SMYD2: variants seen among roughly 807,000 people sequenced by gnomAD.
SMYD2 encodes the protein N-lysine methyltransferase SMYD2.
Under a neutral mutation model 59.1 loss-of-function variants are expected in SMYD2, and 53 were observed. That is an observed-to-expected ratio of 0.90 (90% CI 0.72 to 1.13). SMYD2 has a LOEUF of 1.13. SMYD2 is among the 50% of genes most tolerant of loss of function. The pLI is 0.00. For synonymous variants in SMYD2, 208 were observed against 198.8 expected (o/e 1.05, Z -0.39); for missense variants, 494 against 544.7 (o/e 0.91, Z 0.93).
At chr1:214,330,457 G>A (rs981380512) in intron 8 of SMYD2, among the ~76,000 whole-genome samples, 179 bp downstream of exon 8, 1 of 152,198 alleles carries the variant, frequency 6.6e-6, no homozygotes, top group African/African-American at 2.4e-5. Context: ...CCTGCTCCTA[G>A]TAGCTAAAGA....
chr1:214,282,173 T>A (rs898287158), intron 1 of SMYD2, among the ~76,000 whole-genome samples: 21 of 152,198 alleles, frequency 1.4e-4, no homozygotes, highest in African/African-American at 4.8e-4. Flanking sequence ...GCATATACAT[T>A]TGCACACACC....
intron 10 of SMYD2, chr1:214,333,029 T>A (rs1657379982): frequency 6.6e-6 from 1 of 152,266 alleles, no homozygotes; most frequent in South Asian, 2.1e-4. Flanking sequence ...CTTCCGAGAT[T>A]AGGGTCTGTG....
intron 1 of SMYD2, among the ~76,000 whole-genome samples, chr1:214,293,011 TTGTGTGTGTGTGTGTGTG>T (rs58012666): frequency 0.32 from 43,294 of 137,320 alleles, 6,924 homozygotes; most frequent in Non-Finnish European, 0.34. Context: ...CTTTTTCTGT[TTGTGTGTGTGTGTGTGTG>T]TGTGTGTGTG....
Position 214,281,400 on chromosome 1 carries a change from G to T in SMYD2, c.146G>T (p.Gly49Val). The T allele has an allele frequency of 1.4e-6, 2 of 1,461,720 alleles. No individual in the cohort carries two copies. Among genetic ancestry groups the T allele is most frequent in the South Asian group, 1.5e-5 (1 of 68,790 alleles). 90.5% of individuals were successfully genotyped at this position (1,461,720 alleles called of 1,614,324 possible). Residue 49 changes from glycine (G) to valine (V), a missense_variant, in exon 1 of 12, where the codon GGC becomes GTC. Physicochemically the swap from Gly to Val is moderately radical, Grantham distance 109 (BLOSUM62 -3). Transcript: ENST00000366957. The stretch of plus-strand genomic sequence containing the variant: ...TACGTGCTCACGGTCAACGAGCGGG[G>T]CAACCACTGCGAGTACTGCTTCACC... ...YAYVLTVNER[G>V]NHCEYCFTRK...
chr1:214,286,532 AG>A (rs1318779971), intron 1 of SMYD2, among the ~76,000 whole-genome samples: 1 of 152,166 alleles, frequency 6.6e-6, no homozygotes, highest in East Asian at 1.9e-4. Context: ...ACACTCTGGG[AG>A]GCTGAGGCAG....
At chr1:214,298,764 G>A (rs781615285) in intron 1 of SMYD2, among the ~76,000 whole-genome samples, 1 of 152,150 alleles carries the variant, frequency 6.6e-6, no homozygotes, top group Non-Finnish European at 1.5e-5. Flanking sequence ...ATGAAAAAAT[G>A]TTCAACATCA....
chr1:214,296,971 G>A (rs1656739427), intron 1 of SMYD2, among the ~76,000 whole-genome samples: 1 of 152,162 alleles, frequency 6.6e-6, no homozygotes, highest in Non-Finnish European at 1.5e-5. Flanking sequence ...CATCATCAAG[G>A]TAGTTAAACA....
rs144426777 is a variant in SMYD2 at position 214,317,877 on chromosome 1, G to A, written c.349-202G>A. Reference sequence around the variant, plus strand: ...AGTATTATCAGGGTGTTAGGTACACGGTAGACATTTAAAAAAGCGCTTTAG... The same window carrying A: ...AGTATTATCAGGGTGTTAGGTACACAGTAGACATTTAAAAAAGCGCTTTAG... On this transcript the variant is annotated intron_variant, in intron 3 of 11. Transcript: ENST00000366957. Among the ~76,000 whole-genome samples the A allele has an allele frequency of 2.4e-3, 368 of 152,252 alleles. 2 individuals carry two copies. The highest frequency in any genetic ancestry group is 8.6e-3 in the African/African-American group (356 of 41,548).
At chr1:214,290,076 G>C (rs1035674841) in intron 1 of SMYD2, among the ~76,000 whole-genome samples, 3 of 152,216 alleles carry the variant, frequency 2.0e-5, no homozygotes, top group Non-Finnish European at 4.4e-5. Flanking sequence ...AACTTCTGCT[G>C]ACTTGTTCCT....
intron 1 of SMYD2, 117 bp from the exon 2 acceptor site, chr1:214,305,070 G>A (rs1656895013): frequency 2.2e-6 from 2 of 911,724 alleles, no homozygotes; most frequent in African/African-American, 1.6e-5. Context: ...GGGAGAGTAA[G>A]GTAAGGTGAA....
At chr1:214,336,002 C>G (rs1657429727) in intron 11 of SMYD2, among the ~76,000 whole-genome samples, 1 of 152,238 alleles carries the variant, frequency 6.6e-6, no homozygotes, top group East Asian at 1.9e-4. Flanking sequence ...ATCAAAATAG[C>G]TTTGATATAA....
At chr1:214,323,454 T>C (rs893184069) in intron 5 of SMYD2, among the ~76,000 whole-genome samples, 1 of 152,146 alleles carries the variant, frequency 6.6e-6, no homozygotes, top group African/African-American at 2.4e-5. Flanking sequence ...TTTTTTGAGA[T>C]GGAGTCTCAC....
chr1:214,336,655 TGAG>T lies in SMYD2; in HGVS notation c.1222-45_1222-43del, dbSNP rs1423687770. ...CTTAAAGTTACCCTGGGTGGAGGTGTGAGGAGATTGGCTTCTAGGCTCTCATTG... is the reference window on the plus strand; with the variant it reads ...CTTAAAGTTACCCTGGGTGGAGGTGTGAGATTGGCTTCTAGGCTCTCATTG... On this transcript the variant is annotated intron_variant, in intron 11 of 11. Transcript: ENST00000366957. 3 of 1,567,760 alleles carry T rather than the reference TGAG, an allele frequency of 1.9e-6. No individual in the cohort carries two copies. The Admixed American group carries it at 5.1e-5, about 27-fold the overall frequency.
rs558229417 is a variant in SMYD2, at chr1:214,330,961, G to A, written c.828G>A (p.Lys276=). The A allele has an allele frequency of 7.4e-6, 12 of 1,614,198 alleles. No individual in the cohort carries two copies. In the South Asian group the frequency reaches 1.2e-4, roughly 16 times the overall value. Residue 276 remains lysine, a synonymous_variant, in exon 9 of 12, where the codon AAG becomes AAA. Coordinates refer to ENST00000366957, the MANE Select transcript of SMYD2 (RefSeq NM_020197.3). ...GACGTTTCCTTCAGGATAAGGCCAAGGTGGAAATCCGGAAGCTCAGCGATC... is the reference window on the plus strand; with the variant it reads ...GACGTTTCCTTCAGGATAAGGCCAAAGTGGAAATCCGGAAGCTCAGCGATC... ...ECTTKDKDKA[K]VEIRKLSDPP... is the part of the protein sequence containing the mutation.
Position 214,330,930 on chromosome 1 carries a change from C to T in SMYD2, c.817-20C>T. ...TTTCCATGGGCGGTAACGCCTTGCC[C>T]TTGTGGACGTTTCCTTCAGGATAAG... On this transcript the variant is annotated intron_variant, in intron 8 of 11. Transcript: ENST00000366957. The T allele has an allele frequency of 5.0e-6, 8 of 1,613,780 alleles. No homozygotes were observed. The highest frequency in any genetic ancestry group is 6.8e-6 in the Non-Finnish European group (8 of 1,179,962).
At chr1:214,303,866 A>G (rs1414401537) in intron 1 of SMYD2, among the ~76,000 whole-genome samples, 2 of 152,258 alleles carry the variant, frequency 1.3e-5, no homozygotes, top group Non-Finnish European at 2.9e-5. Context: ...GCTCTGCGGC[A>G]GTGTAGCCGC....
chr1:214,334,126 C>T, intron 10 of SMYD2, 74 bp from the exon 11 acceptor site: 1 of 1,395,814 alleles, frequency 7.2e-7, no homozygotes, highest in Non-Finnish European at 1.0e-6. Flanking sequence ...CAGCCTCCGG[C>T]TTACTGCACC....
intron 1 of SMYD2, among the ~76,000 whole-genome samples, chr1:214,304,567 A>C (rs1656886121): frequency 6.6e-6 from 1 of 150,478 alleles, no homozygotes; most frequent in South Asian, 2.3e-4. Flanking sequence ...TCAAAAAAAA[A>C]AAAAAAAAAA....
rs770319853 is a variant in SMYD2 at position 214,330,962 on chromosome 1, G to A, written c.829G>A (p.Val277Met). 1.2e-6 allele frequency: 2 copies of A among 1,614,176 alleles called. No homozygotes were observed. Among genetic ancestry groups the A allele is most frequent in the Admixed American group, 3.3e-5 (2 of 60,032 alleles). ...CTTKDKDKAK[V>M]EIRKLSDPPK... ...ACGTTTCCTTCAGGATAAGGCCAAG[G>A]TGGAAATCCGGAAGCTCAGCGATCC... is the stretch of plus-strand genomic sequence containing the variant. The change falls in exon 9 of 12, where the codon GTG becomes ATG. Residue 277 changes from valine (V) to methionine (M), a missense_variant. Transcript: ENST00000366957.
Sources: allele counts gnomAD v4.1 joint callset (sites outside exome capture counted in the v4.1 genomes callset), GRCh38; gene constraint gnomAD v4.1.1; transcripts MANE v1.5; gene names NCBI Gene and HGNC (gene_info 2026-07-23, HGNC 2026-07-21).